ELF1: variants seen among roughly 807,000 people sequenced by gnomAD.
ELF1 encodes E74 like ETS transcription factor 1.
A neutral mutation model predicts 59.9 loss-of-function variants in ELF1; 24 were observed. That is an observed-to-expected ratio of 0.40 (90% CI 0.29 to 0.56). The LOEUF is 0.56. Among genes scored for constraint, ELF1 ranks in the 20% least tolerant of loss-of-function variants. ELF1 has a pLI of 0.44. For missense variants in ELF1, 627 were observed against 742.2 expected (o/e 0.84, Z 1.80); for synonymous variants, 248 against 266.2 (o/e 0.93, Z 0.67).
chr13:40,971,192 T>C (rs1337838848), intron 2 of ELF1, among the ~76,000 whole-genome samples: 1 of 152,224 alleles, frequency 6.6e-6, no homozygotes, highest in Non-Finnish European at 1.5e-5. Flanking sequence ...ATGTATATTA[T>C]ATATAGATTG....
intron 1 of ELF1, among the ~76,000 whole-genome samples, chr13:41,029,176 C>T (rs536755229): frequency 6.6e-6 from 1 of 152,314 alleles, no homozygotes; most frequent in South Asian, 2.1e-4. Context: ...TCATTTTAGG[C>T]AGAGCTACAA....
At chr13:41,046,078 T>C (rs1876831687) in intron 1 of ELF1, among the ~76,000 whole-genome samples, 1 of 152,220 alleles carries the variant, frequency 6.6e-6, no homozygotes, top group Non-Finnish European at 1.5e-5. Context: ...TGGTTTAAAG[T>C]CTGTTCTATC....
intron 2 of ELF1, among the ~76,000 whole-genome samples, chr13:40,973,367 T>G (rs1436022544): frequency 6.6e-6 from 1 of 152,186 alleles, no homozygotes; most frequent in Non-Finnish European, 1.5e-5. Flanking sequence ...TGCTCTAATA[T>G]TGAGAATTTT....
chr13:40,998,734 T>C (rs1874254670), intron 1 of ELF1, among the ~76,000 whole-genome samples: 2 of 152,222 alleles, frequency 1.3e-5, no homozygotes, highest in Non-Finnish European at 2.9e-5. Flanking sequence ...GTTGAATCCA[T>C]TTCAGTTACT....
chr13:41,044,153 T>C (rs1330128261), intron 1 of ELF1, among the ~76,000 whole-genome samples: 27 of 152,244 alleles, frequency 1.8e-4, no homozygotes, highest in Admixed American at 1.8e-3. Flanking sequence ...TTTTGTATCC[T>C]GAGACTTTGC....
At chr13:40,992,827 T>C in intron 1 of ELF1, 1 of 510,784 alleles carries the variant, frequency 2.0e-6, no homozygotes, top group South Asian at 2.2e-5. Context: ...AGCCAACAAA[T>C]TTCTGTTGAT....
chr13:41,008,110 T>C lies in ELF1; in HGVS notation c.-229+11118A>G, dbSNP rs574665073. On this transcript the variant is annotated intron_variant, in intron 1 of 8. Transcript: ENST00000239882. ...TTGAATCTCAACCATTAAATACATA[T>C]GTTTTTAATATTCTGAGTGATAAAA... 7.9e-5 allele frequency among the ~76,000 whole-genome samples: 12 copies of C among 152,342 alleles called. No individual in the cohort carries two copies. In the South Asian group the frequency reaches 1.2e-3, roughly 16 times the overall value.
intron 1 of ELF1, chr13:40,993,012 T>G: frequency 1.4e-6 from 2 of 1,425,902 alleles, no homozygotes; most frequent in Non-Finnish European, 9.9e-7. Flanking sequence ...TAGGTTCTCT[T>G]TGTTGTATTC....
chr13:41,033,858 T>C (rs1445488751), intron 1 of ELF1, among the ~76,000 whole-genome samples: 1 of 152,138 alleles, frequency 6.6e-6, no homozygotes, highest in Non-Finnish European at 1.5e-5. Context: ...GAGACAAAAC[T>C]ACATTGATGG....
At chr13:41,032,129 T>C (rs959524582) in intron 1 of ELF1, among the ~76,000 whole-genome samples, 19 of 152,076 alleles carry the variant, frequency 1.2e-4, no homozygotes, top group Non-Finnish European at 2.5e-4. Context: ...ATTAGTAAAA[T>C]TTAAAGCAAT....
intron 3 of ELF1, among the ~76,000 whole-genome samples, chr13:40,953,606 T>C (rs926280573): frequency 3.3e-5 from 5 of 152,362 alleles, no homozygotes; most frequent in Non-Finnish European, 7.3e-5. Context: ...ATTTCTCATT[T>C]GAGCCACTCA....
At chr13:40,975,814 A>G (rs1399042972) in intron 2 of ELF1, among the ~76,000 whole-genome samples, 1 of 152,188 alleles carries the variant, frequency 6.6e-6, no homozygotes, top group Non-Finnish European at 1.5e-5. Context: ...GGTAAGTTTT[A>G]CCTATTTTAT....
At chr13:40,964,453 A>G (rs923697615) in intron 2 of ELF1, among the ~76,000 whole-genome samples, 1 of 152,106 alleles carries the variant, frequency 6.6e-6, no homozygotes, top group South Asian at 2.1e-4. Flanking sequence ...TTTGACTTAT[A>G]GATGGCTGGT....
chr13:40,938,726 TTA>T (rs995448719), intron 8 of ELF1, among the ~76,000 whole-genome samples: 1 of 151,882 alleles, frequency 6.6e-6, no homozygotes. Flanking sequence ...ATTTATCTAA[TTA>T]TATATATAAT....
At chr13:41,055,250 G>A (rs1877241772) in intron 1 of ELF1, among the ~76,000 whole-genome samples, 1 of 151,996 alleles carries the variant, frequency 6.6e-6, no homozygotes, top group Non-Finnish European at 1.5e-5. Flanking sequence ...AAAACACATT[G>A]TCCACTACAG....
rs1264487529 is a variant in ELF1, at chr13:41,060,932, CGCCGCCGCCGCCGCTGCT to C, written c.-341_-324del. ...CTGCTGCTGCCGCCGCCGCCGCCGCCGCCGCCGCCGCCGCTGCTGCTGCCCACACGCTCCCGAGCTAGG... is the reference window on the plus strand; with the variant it reads ...CTGCTGCTGCCGCCGCCGCCGCCGCCGCTGCCCACACGCTCCCGAGCTAGG... On this transcript the variant is annotated 5_prime_UTR_variant, in exon 1 of 2. Coordinates refer to the ELF1 transcript ENST00000405737. 2 of 370,622 alleles carry C rather than the reference CGCCGCCGCCGCCGCTGCT, an allele frequency of 5.4e-6. 1 individual carries two copies. Among genetic ancestry groups the C allele is most frequent in the Middle Eastern group, 1.5e-3 (2 of 1,372 alleles). The allele number at this position is 370,622 out of a possible 1,614,324, so 23.0% of individuals were successfully genotyped here.
At chr13:40,952,501 A>C (rs1013416373) in intron 3 of ELF1, among the ~76,000 whole-genome samples, 2 of 151,978 alleles carry the variant, frequency 1.3e-5, no homozygotes, top group South Asian at 4.2e-4. Context: ...AGACAGGACT[A>C]CAGTCTCAGG....
Position 40,982,238 on chromosome 13 carries a change from T to A in ELF1, c.-184A>T. ...CTGGTTCATTGATATTCTAGTCAAATTGAGACAATTTTTCTGAAATTTTTC... is the reference window on the plus strand; with the variant it reads ...CTGGTTCATTGATATTCTAGTCAAAATGAGACAATTTTTCTGAAATTTTTC... On this transcript the variant is annotated 5_prime_UTR_variant, in exon 2 of 9. Transcript: ENST00000239882. The A allele has an allele frequency of 1.6e-6, 2 of 1,277,914 alleles. No homozygotes were observed. Among genetic ancestry groups the A allele is most frequent in the Non-Finnish European group, 2.0e-6 (2 of 1,011,294 alleles). The allele number at this position is 1,277,914 out of a possible 1,614,324, so 79.2% of individuals were successfully genotyped here. A position where few individuals can be genotyped will look rare whatever the true frequency, so the allele number is the denominator to read the frequency against.
chr13:41,055,954 G>A (rs940980338), intron 1 of ELF1, among the ~76,000 whole-genome samples: 1 of 151,982 alleles, frequency 6.6e-6, no homozygotes, highest in Non-Finnish European at 1.5e-5. Context: ...GTAAAATCAA[G>A]AGAGAAAATA....
Sources: gnomAD v4.1 joint callset for allele counts (sites outside exome capture counted in the v4.1 genomes callset) on GRCh38, gnomAD v4.1.1 for gene constraint, MANE v1.5 for transcripts, NCBI Gene and HGNC (gene_info 2026-07-23, HGNC 2026-07-21) for gene names.